ARHGEF26: variants seen among roughly 807,000 people sequenced by gnomAD.
The protein encoded by ARHGEF26 is Rho guanine nucleotide exchange factor (GEF) 26.
ARHGEF26 carries 59 observed loss-of-function variants against 89.4 expected under a neutral mutation model. The observed-to-expected ratio is 0.66, with a 90% CI of 0.54 to 0.82. The LOEUF (loss-of-function observed/expected upper bound fraction) is 0.82. Ranked by LOEUF, ARHGEF26 falls within the 40% of genes least tolerant of loss-of-function variation. The probability of loss-of-function intolerance (pLI) is 0.00; values close to 1 mark genes in which losing one functional copy is unlikely to be tolerated. For missense variants in ARHGEF26, 1,234 were observed against 1,085.6 expected (o/e 1.14, Z -1.92); for synonymous variants, 500 against 428.4 (o/e 1.17, Z -2.06).
chr3:154,180,687 T>C (rs955008362), intron 6 of ARHGEF26, among the ~76,000 whole-genome samples: 4 of 150,726 alleles, frequency 2.7e-5, no homozygotes, highest in African/African-American at 9.8e-5. Flanking sequence ...TTTTTTCCCC[T>C]CACATCCCAA....
In ARHGEF26 at chr3:154,254,583, CTTT is replaced by C. The variant is rs546718654; in HGVS notation, c.2369-134_2369-132del. 2.2e-3 allele frequency: 1,446 copies of C among 654,894 alleles called. 6 individuals are homozygous for C. The highest frequency in any genetic ancestry group is 3.8e-3 in the South Asian group (189 of 50,170). The allele number at this position is 654,894 out of a possible 1,614,324, so 40.6% of individuals were successfully genotyped here. A position where few individuals can be genotyped will look rare whatever the true frequency, so the allele number is the denominator to read the frequency against. ...GGGAGTTGCTAGAAAAGATGTTCTGCTTTTTATTAGAAGCCCAACTTGTTTCTC... is the reference window on the plus strand; with the variant it reads ...GGGAGTTGCTAGAAAAGATGTTCTGCTTATTAGAAGCCCAACTTGTTTCTC... On this transcript the variant is annotated intron_variant, in intron 13 of 14. Transcript: ENST00000465093.
At chr3:154,245,216 C>G (rs549970151) in intron 12 of ARHGEF26, among the ~76,000 whole-genome samples, 1 of 151,934 alleles carries the variant, frequency 6.6e-6, no homozygotes, top group African/African-American at 2.4e-5. Context: ...TTAGTAGAGA[C>G]GGGGTTTCAC....
intron 10 of ARHGEF26, among the ~76,000 whole-genome samples, chr3:154,225,450 G>C (rs1716422920): frequency 6.6e-6 from 1 of 151,988 alleles, no homozygotes; most frequent in Admixed American, 6.6e-5. Context: ...GTGTTTTTCT[G>C]TATGTTTAGA....
At chr3:154,149,238 T>C in intron 4 of ARHGEF26, 151 bp from the exon 5 acceptor site, 1 of 403,990 alleles carries the variant, frequency 2.5e-6, no homozygotes, top group Non-Finnish European at 4.1e-6. Context: ...TAACTGTTGA[T>C]TAATTAATAA....
chr3:154,139,434 T>C (rs1473059572), intron 4 of ARHGEF26, among the ~76,000 whole-genome samples: 4 of 152,148 alleles, frequency 2.6e-5, no homozygotes, highest in African/African-American at 7.2e-5. Context: ...TTTTGGGGAG[T>C]TGGAAGGGAT....
chr3:154,152,216 T>C (rs1720065898), intron 5 of ARHGEF26, among the ~76,000 whole-genome samples: 1 of 152,182 alleles, frequency 6.6e-6, no homozygotes, highest in Admixed American at 6.5e-5. Flanking sequence ...ATAAGAACCT[T>C]TTGAGGGTAG....
At chr3:154,183,204 C>T (rs1713289923) in intron 6 of ARHGEF26, among the ~76,000 whole-genome samples, 1 of 152,086 alleles carries the variant, frequency 6.6e-6, no homozygotes, top group East Asian at 1.9e-4. Flanking sequence ...ACAGGGCTAA[C>T]TTGTGTTTCT....
chr3:154,246,538 G>C (rs915249342), intron 12 of ARHGEF26, among the ~76,000 whole-genome samples: 4 of 152,128 alleles, frequency 2.6e-5, no homozygotes, highest in Non-Finnish European at 4.4e-5. Context: ...AAAATGCTTG[G>C]TCTGCAATGG....
intron 3 of ARHGEF26, 53 bp from the exon 4 acceptor site, chr3:154,129,521 G>A: frequency 6.4e-7 from 1 of 1,572,352 alleles, no homozygotes; most frequent in South Asian, 1.2e-5. Flanking sequence ...TTTAGAACAA[G>A]TAACATAATG....
At chr3:154,236,250 T>C (rs1717121003) in intron 11 of ARHGEF26, among the ~76,000 whole-genome samples, 1 of 152,182 alleles carries the variant, frequency 6.6e-6, no homozygotes, top group Admixed American at 6.5e-5. Flanking sequence ...AAGAAAGAAA[T>C]CTCAACAAAG....
At position 154,129,632 on chromosome 3, in the gene ARHGEF26, A is replaced by G. The variant is rs1209242203; in HGVS notation, c.1182A>G (p.Glu394=). The change falls in exon 4 of 15, where the codon GAA becomes GAG. Residue 394 remains glutamate (E), a synonymous_variant. Transcript: ENST00000465093. ...KEKALDIDSD[E]ESEPKEQKSD... The stretch of plus-strand genomic sequence containing the variant: ...AGGCCCTTGACATTGATTCTGATGA[A>G]GAGTCAGAGCCCAAAGAACAGAAGT... 2 of 1,611,762 alleles carry G rather than the reference A, an allele frequency of 1.2e-6. No individual in the cohort carries two copies. The highest frequency in any genetic ancestry group is 1.7e-6 in the Non-Finnish European group (2 of 1,178,940).
At chr3:154,158,525 T>G (rs59645006) in intron 6 of ARHGEF26, among the ~76,000 whole-genome samples, 8,330 of 152,214 alleles carry the variant, frequency 0.055, 648 homozygotes, top group African/African-American at 0.16. Flanking sequence ...TAGATGACTT[T>G]GGGTCAGTGT....
At chr3:154,161,169 A>G (rs1274605154) in intron 6 of ARHGEF26, among the ~76,000 whole-genome samples, 2 of 151,820 alleles carry the variant, frequency 1.3e-5, no homozygotes, top group African/African-American at 2.4e-5. Context: ...TTTCTGTCAA[A>G]TAGTGATTGG....
chr3:154,163,572 T>A (rs986764076), intron 6 of ARHGEF26, among the ~76,000 whole-genome samples: 2 of 152,194 alleles, frequency 1.3e-5, no homozygotes, highest in Non-Finnish European at 1.5e-5. Flanking sequence ...TTGAACTTGC[T>A]CCTGTTGGTG....
Position 154,256,204 on chromosome 3 carries a change from A to G in ARHGEF26, c.*731A>G, listed in dbSNP as rs981312141. The G allele has an allele frequency of 1.0e-6, 1 of 985,802 alleles. No individual in the cohort carries two copies. The highest frequency in any genetic ancestry group is 4.7e-5 in the South Asian group (1 of 21,284). The allele number at this position is 985,802 out of a possible 1,614,324, so 61.1% of individuals were successfully genotyped here. On this transcript the variant is annotated 3_prime_UTR_variant, in exon 15 of 15. Coordinates refer to ENST00000465093, the MANE Select transcript of ARHGEF26 (RefSeq NM_015595.4). Reference sequence around the variant, plus strand: ...CAACGTAGAATTTAGATGGGTTCATATATGTGAGAAAAACCTGAATATAGG... The same window carrying G: ...CAACGTAGAATTTAGATGGGTTCATGTATGTGAGAAAAACCTGAATATAGG...
chr3:154,191,004 A>G (rs1342375715), intron 7 of ARHGEF26, among the ~76,000 whole-genome samples: 1 of 152,096 alleles, frequency 6.6e-6, no homozygotes, highest in African/African-American at 2.4e-5. Context: ...CAGCTTCTTC[A>G]TTTGCTTACC....
At chr3:154,250,322 C>T (rs763707459) in intron 12 of ARHGEF26, among the ~76,000 whole-genome samples, 34 of 152,026 alleles carry the variant, frequency 2.2e-4, no homozygotes, top group Non-Finnish European at 4.1e-4. Flanking sequence ...CCGCCCCGCC[C>T]GGCCTCTTGG....
At chr3:154,164,087 A>G (rs1394482212) in intron 6 of ARHGEF26, among the ~76,000 whole-genome samples, 11 of 152,182 alleles carry the variant, frequency 7.2e-5, no homozygotes, top group African/African-American at 2.4e-4. Context: ...TGTTTTCAAA[A>G]TAAACTTTTG....
chr3:154,121,090 C>T (rs558667596), upstream of ARHGEF26: 1 of 152,392 alleles, frequency 6.6e-6, no homozygotes, highest in South Asian at 2.1e-4. Context: ...TTCAGGGCTT[C>T]CTAAGCTGCA....
Sources: allele counts gnomAD v4.1 joint callset (sites outside exome capture counted in the v4.1 genomes callset), GRCh38; gene constraint gnomAD v4.1.1; transcripts MANE v1.5; gene names NCBI Gene and HGNC (gene_info 2026-07-23, HGNC 2026-07-21).